C12orf42: variants seen among roughly 807,000 people sequenced by gnomAD.
C12orf42 encodes the protein chromosome 12 open reading frame 42.
In C12orf42, 25 loss-of-function variants were observed where a neutral mutation model predicts 21.6. The observed-to-expected ratio is 1.16, with a 90% CI of 0.84 to 1.62. The LOEUF is 1.62. C12orf42 is among the 40% of genes most tolerant of loss of function. The pLI, the probability that C12orf42 is intolerant of heterozygous loss-of-function variation, is 0.00. For synonymous variants in C12orf42, 174 were observed against 175.0 expected (o/e 0.99, Z 0.05); for missense variants, 483 against 459.3 (o/e 1.05, Z -0.47).
At chr12:103,500,850 C>G (rs1955702192), upstream of C12orf42, among the ~76,000 whole-genome samples, 1 of 152,190 alleles carries the variant, frequency 6.6e-6, no homozygotes, top group Admixed American at 6.5e-5. Flanking sequence ...GAAGAAATAT[C>G]AGGGTTTCAA....
At chr12:103,498,705 A>T (rs1042071040), upstream of C12orf42, among the ~76,000 whole-genome samples, 1 of 152,204 alleles carries the variant, frequency 6.6e-6, no homozygotes, top group African/African-American at 2.4e-5. Flanking sequence ...AAGGAACAAG[A>T]TCATGGCCTT....
At chr12:103,550,195 C>A in the C12orf42 span, among the ~76,000 whole-genome samples, 1 of 152,078 alleles carries the variant, frequency 6.6e-6, no homozygotes, top group Non-Finnish European at 1.5e-5. Flanking sequence ...ATTTCCTTTT[C>A]TTTCAGTTGT....
chr12:103,183,415 G>A, the C12orf42 span, among the ~76,000 whole-genome samples: 1 of 152,176 alleles, frequency 6.6e-6, no homozygotes, highest in Non-Finnish European at 1.5e-5. Context: ...AGCCTATAGT[G>A]AGATTTTCTA....
chr12:103,338,482 G>A (rs2041910142), intron 4 of C12orf42, among the ~76,000 whole-genome samples: 1 of 152,204 alleles, frequency 6.6e-6, no homozygotes, highest in Non-Finnish European at 1.5e-5. Flanking sequence ...GTCTGGCTCT[G>A]GTACAGCAAG....
At chr12:103,219,085 G>A in the C12orf42 span, among the ~76,000 whole-genome samples, 1 of 152,186 alleles carries the variant, frequency 6.6e-6, no homozygotes, top group Admixed American at 6.5e-5. Context: ...CCCCTGGAAA[G>A]GGGGCTGAAG....
At chr12:103,191,543 CAAAAAAAAAAAAAAA>C in the C12orf42 span, among the ~76,000 whole-genome samples, 5 of 58,104 alleles carry the variant, frequency 8.6e-5, no homozygotes, top group East Asian at 5.6e-4. Flanking sequence ...CTCCACTCTA[CAAAAAAAAAAAAAAA>C]AAAAAAAAAA....
intron 4 of C12orf42, among the ~76,000 whole-genome samples, chr12:103,335,572 A>T (rs2041618359): frequency 6.6e-6 from 1 of 152,224 alleles, no homozygotes; most frequent in South Asian, 2.1e-4. Context: ...CTTAAGCTTG[A>T]AGCTAACTGC....
intron 4 of C12orf42, among the ~76,000 whole-genome samples, chr12:103,279,549 C>A (rs543640069): frequency 6.6e-6 from 1 of 152,308 alleles, no homozygotes; most frequent in Non-Finnish European, 1.5e-5. Flanking sequence ...TTGGTTCCCC[C>A]AGGAACTCAC....
chr12:103,123,177 A>T, the C12orf42 span, among the ~76,000 whole-genome samples: 3 of 152,224 alleles, frequency 2.0e-5, no homozygotes, highest in Non-Finnish European at 4.4e-5. Flanking sequence ...GTGTGGGCTT[A>T]GCACCTGCCT....
At chr12:103,417,064 G>A (rs1291664947) in intron 2 of C12orf42, among the ~76,000 whole-genome samples, 1 of 151,956 alleles carries the variant, frequency 6.6e-6, no homozygotes, top group Non-Finnish European at 1.5e-5. Context: ...AGTCCAGGAA[G>A]AGTTTGTTTG....
chr12:103,486,671 T>C (rs1954855327), intron 1 of C12orf42, among the ~76,000 whole-genome samples: 1 of 152,234 alleles, frequency 6.6e-6, no homozygotes, highest in Non-Finnish European at 1.5e-5. Flanking sequence ...ATTCAACTTC[T>C]TCCTGGTTTA....
the C12orf42 span, among the ~76,000 whole-genome samples, chr12:103,150,155 A>T: frequency 1.3e-5 from 2 of 152,226 alleles, no homozygotes; most frequent in Non-Finnish European, 2.9e-5. Flanking sequence ...AAGTTAATAA[A>T]TCTCTGTCAC....
chr12:103,270,967 A>G (rs886554315), intron 5 of C12orf42, among the ~76,000 whole-genome samples: 1 of 152,178 alleles, frequency 6.6e-6, no homozygotes, highest in Non-Finnish European at 1.5e-5. Context: ...GGTAGGAAAG[A>G]ATTATGAAAT....
At chr12:103,088,278 C>T in the C12orf42 span, among the ~76,000 whole-genome samples, 1 of 152,224 alleles carries the variant, frequency 6.6e-6, no homozygotes, top group Non-Finnish European at 1.5e-5. Flanking sequence ...ACATCTACCA[C>T]AGTGCCTGGC....
At chr12:103,180,929 A>T in the C12orf42 span, among the ~76,000 whole-genome samples, 3 of 151,776 alleles carry the variant, frequency 2.0e-5, no homozygotes, top group Non-Finnish European at 4.4e-5. Flanking sequence ...TGCCCAGCCC[A>T]CTAATTTGCT....
the C12orf42 span, among the ~76,000 whole-genome samples, chr12:103,206,277 T>C: frequency 6.6e-6 from 1 of 152,224 alleles, no homozygotes; most frequent in Non-Finnish European, 1.5e-5. Context: ...CTAATGTTCT[T>C]ACAGGTATTT....
intron 2 of C12orf42, among the ~76,000 whole-genome samples, chr12:103,449,960 T>C (rs577406416): frequency 6.6e-6 from 1 of 152,012 alleles, no homozygotes; most frequent in Admixed American, 6.5e-5. Flanking sequence ...ATATAAGGTT[T>C]TATAATTTTT....
intron 4 of C12orf42, among the ~76,000 whole-genome samples, chr12:103,343,315 A>G (rs1196134407): frequency 6.6e-6 from 1 of 152,242 alleles, no homozygotes; most frequent in African/African-American, 2.4e-5. Flanking sequence ...CAGCAAAATT[A>G]AAATCTTCAT....
At chr12:103,553,034 T>A in the C12orf42 span, among the ~76,000 whole-genome samples, 1 of 152,082 alleles carries the variant, frequency 6.6e-6, no homozygotes, top group Non-Finnish European at 1.5e-5. Context: ...CCTTAACACC[T>A]GGGGATTACA....
Sources: allele counts gnomAD v4.1 joint callset (sites outside exome capture counted in the v4.1 genomes callset), GRCh38; gene constraint gnomAD v4.1.1; transcripts MANE v1.5; gene names NCBI Gene and HGNC (gene_info 2026-07-23, HGNC 2026-07-21).